The following FRRS1 variants were observed in gnomAD, a reference collection of about 807,000 sequenced individuals.
FRRS1 encodes ferric reductase 1.
FRRS1 carries 51 observed loss-of-function variants against 70.7 expected under a neutral mutation model. The ratio of observed to expected loss-of-function variants is 0.72; its 90% CI spans 0.58 to 0.91. FRRS1 has a LOEUF of 0.91. Ranked by LOEUF, FRRS1 falls within the 40% of genes least tolerant of loss-of-function variation. The pLI is 0.00. For synonymous variants in FRRS1, 225 were observed against 238.7 expected (o/e 0.94, Z 0.53); for missense variants, 672 against 726.0 (o/e 0.93, Z 0.86).
chr1:99,735,418 G>C lies in FRRS1; in HGVS notation c.759+2668C>G, dbSNP rs546168002. Among the ~76,000 whole-genome samples, 5 of 152,192 alleles carry C rather than the reference G, an allele frequency of 3.3e-5. No individual in the cohort carries two copies. The East Asian group carries it at 9.6e-4, about 29-fold the overall frequency. On this transcript the variant is annotated intron_variant, in intron 7 of 16. Coordinates refer to ENST00000646001, the MANE Select transcript of FRRS1 (RefSeq NM_001361041.2). ...CAAATTGAAAAAGGGGTATAATTTA[G>C]GTTATCGAATGAGTATTCGTGACAT...
Position 99,707,786 on chromosome 1 carries a change from A to G in FRRS1, c.*1242T>C, listed in dbSNP as rs1303605351. ...CATAGCACATATGAGATGTAGCCATAAAATAGATGAATTCTTGAAATAAGG... is the reference window on the plus strand; with the variant it reads ...CATAGCACATATGAGATGTAGCCATGAAATAGATGAATTCTTGAAATAAGG... On this transcript the variant is annotated 3_prime_UTR_variant, in exon 17 of 17. Coordinates refer to ENST00000646001, the MANE Select transcript of FRRS1 (RefSeq NM_001361041.2). Among the ~76,000 whole-genome samples, 1 of 152,230 alleles carries G rather than the reference A, an allele frequency of 6.6e-6. No homozygotes were observed. The highest frequency in any genetic ancestry group is 2.4e-5 in the African/African-American group (1 of 41,468).
Position 99,723,658 on chromosome 1 carries a change from G to A in FRRS1, c.1007-4011C>T, listed in dbSNP as rs142092556. Among the ~76,000 whole-genome samples the A allele has an allele frequency of 7.2e-4, 110 of 152,274 alleles. 1 individual carries two copies. In the East Asian group the frequency reaches 0.017, roughly 23 times the overall value. On this transcript the variant is annotated intron_variant, in intron 9 of 16. Transcript: ENST00000646001. ...CTCACAAACCTATTATAAAGCAATAGCAATTCTAACTAATGCAGGAATAGA... is the reference window on the plus strand; with the variant it reads ...CTCACAAACCTATTATAAAGCAATAACAATTCTAACTAATGCAGGAATAGA...
chr1:99,712,303 ATAATT>A, intron 13 of FRRS1, 110 bp downstream of exon 13: 3 of 970,076 alleles, frequency 3.1e-6, no homozygotes, highest in East Asian at 2.5e-5. Flanking sequence ...CAAAGTAACT[ATAATT>A]TATCACTGAA....
At chr1:99,729,548 T>G in intron 8 of FRRS1, 102 bp downstream of exon 8, 1 of 701,444 alleles carries the variant, frequency 1.4e-6, no homozygotes, top group Non-Finnish European at 2.6e-6. Flanking sequence ...TAGGTGGAAC[T>G]GTGGGGGTTG....
chr1:99,762,835 A>G (rs1215728287), intron 1 of FRRS1, among the ~76,000 whole-genome samples: 2 of 151,850 alleles, frequency 1.3e-5, no homozygotes, highest in East Asian at 3.9e-4. Context: ...TTCTACCTCC[A>G]CCAATTCTGC....
intron 3 of FRRS1, chr1:99,747,731 T>C (rs1334171317): frequency 4.0e-6 from 1 of 251,732 alleles, no homozygotes; most frequent in Non-Finnish European, 7.7e-6. Flanking sequence ...ATGATACCAA[T>C]TGGGTACTAT....
At chr1:99,756,614 T>A (rs1656847325) in intron 1 of FRRS1, among the ~76,000 whole-genome samples, 1 of 152,180 alleles carries the variant, frequency 6.6e-6, no homozygotes, top group Admixed American at 6.5e-5. Flanking sequence ...AATATTTAGA[T>A]GTAAGAAAGT....
rs145403589 is a variant in FRRS1, at chr1:99,729,650, C to T, written c.858G>A (p.Arg286=). 87 of 1,601,252 alleles carry T rather than the reference C, an allele frequency of 5.4e-5. No individual in the cohort carries two copies. In the African/African-American group the frequency reaches 9.6e-4, roughly 18 times the overall value. Residue 286 remains arginine, a splice_region_variant and synonymous_variant, in exon 8 of 17, where the codon AGG becomes AGA. Coordinates refer to ENST00000646001, the MANE Select transcript of FRRS1 (RefSeq NM_001361041.2). ...AGGTTCTCAGAATTTTCACACCTACCCTGGAGTCCATTACAGGGTGACTTC... is the reference window on the plus strand; with the variant it reads ...AGGTTCTCAGAATTTTCACACCTACTCTGGAGTCCATTACAGGGTGACTTC... ...TGRSHPVMDS[R]DTLEDMAWRL...
intron 1 of FRRS1, among the ~76,000 whole-genome samples, chr1:99,762,624 A>G (rs955585118): frequency 6.6e-6 from 1 of 152,048 alleles, no homozygotes; most frequent in African/African-American, 2.4e-5. Flanking sequence ...CTGGGTATGG[A>G]CTTCTGTTTA....
intron 1 of FRRS1, among the ~76,000 whole-genome samples, chr1:99,757,085 T>A (rs1441431018): frequency 6.6e-6 from 1 of 152,064 alleles, no homozygotes; most frequent in African/African-American, 2.4e-5. Context: ...GGTCTCTTTT[T>A]TTTTTTTTGC....
intron 15 of FRRS1, among the ~76,000 whole-genome samples, chr1:99,709,988 C>A (rs538277106): frequency 7.5e-4 from 114 of 151,764 alleles, no homozygotes; most frequent in Middle Eastern, 3.4e-3. Context: ...AACAAACAAA[C>A]AAAAAAACAG....
intron 1 of FRRS1, among the ~76,000 whole-genome samples, chr1:99,760,965 T>C (rs1195938950): frequency 6.6e-6 from 1 of 152,066 alleles, no homozygotes; most frequent in Admixed American, 6.6e-5. Context: ...GAAAGACTTC[T>C]GAAAAAGATT....
intron 3 of FRRS1, 84 bp from the exon 4 acceptor site, chr1:99,747,514 G>A (rs1656339779): frequency 3.1e-6 from 4 of 1,293,846 alleles, no homozygotes; most frequent in Middle Eastern, 2.2e-4. Flanking sequence ...CAATTACAAT[G>A]AGGTCTACAT....
chr1:99,731,789 C>T (rs1420209169), intron 7 of FRRS1, among the ~76,000 whole-genome samples: 1 of 152,152 alleles, frequency 6.6e-6, no homozygotes, highest in Admixed American at 6.5e-5. Flanking sequence ...ATAGTTACTA[C>T]CTGGTCCTTA....
intron 1 of FRRS1, among the ~76,000 whole-genome samples, chr1:99,758,794 C>A (rs1011106536): frequency 2.0e-5 from 3 of 152,164 alleles, no homozygotes; most frequent in Non-Finnish European, 2.9e-5. Context: ...TCGCTAAATT[C>A]TTTTCCTAGC....
intron 1 of FRRS1, among the ~76,000 whole-genome samples, chr1:99,757,702 G>A (rs1571158337): frequency 6.6e-6 from 1 of 152,084 alleles, no homozygotes; most frequent in African/African-American, 2.4e-5. Flanking sequence ...AAGGTAAATA[G>A]CCACTTCCTA....
chr1:99,729,314 A>C (rs940017958), intron 8 of FRRS1, among the ~76,000 whole-genome samples: 9 of 105,460 alleles, frequency 8.5e-5, no homozygotes, highest in African/African-American at 7.4e-4. Context: ...TTTTGTCACT[A>C]ATGTCATCCT....
At chr1:99,736,877 C>T (rs1655700299) in intron 7 of FRRS1, among the ~76,000 whole-genome samples, 1 of 150,668 alleles carries the variant, frequency 6.6e-6, no homozygotes, top group Non-Finnish European at 1.5e-5. Flanking sequence ...TCTTACAATA[C>T]TTGCAAACAC....
At chr1:99,736,865 C>T (rs535616104) in intron 7 of FRRS1, among the ~76,000 whole-genome samples, 2 of 151,328 alleles carry the variant, frequency 1.3e-5, no homozygotes, top group South Asian at 2.1e-4. Context: ...TTACATCCAG[C>T]GTCTTACAAT....
Sources: allele counts gnomAD v4.1 joint callset (sites outside exome capture counted in the v4.1 genomes callset), GRCh38; gene constraint gnomAD v4.1.1; transcripts MANE v1.5; gene names NCBI Gene and HGNC (gene_info 2026-07-23, HGNC 2026-07-21).